Variants in HIPK1 observed in about 807,000 individuals in gnomAD.
HIPK1 encodes homeodomain-interacting protein kinase 1.
In HIPK1, 28 loss-of-function variants were observed where a neutral mutation model predicts 117.1. The observed-to-expected ratio is 0.24, with a 90% confidence interval of 0.18 to 0.33. The LOEUF (loss-of-function observed/expected upper bound fraction) is 0.33, where lower values mean the gene tolerates loss of function less well. HIPK1 is among the 10% of genes least tolerant of loss of function. The pLI is 1.00. For synonymous variants in HIPK1, 605 were observed against 562.5 expected (o/e 1.08, Z -1.07); for missense variants, 1,122 against 1,475.1 (o/e 0.76, Z 3.92).
intron 2 of HIPK1, among the ~76,000 whole-genome samples, chr1:113,943,954 G>A (rs1016376067): frequency 6.6e-6 from 1 of 151,898 alleles, no homozygotes; most frequent in Non-Finnish European, 1.5e-5. Flanking sequence ...AGCTAGGACT[G>A]CAGTCACACT....
intron 2 of HIPK1, among the ~76,000 whole-genome samples, chr1:113,950,204 T>C (rs1226694020): frequency 6.6e-6 from 1 of 152,076 alleles, no homozygotes; most frequent in East Asian, 1.9e-4. Flanking sequence ...GCTTAATCCT[T>C]GCCTTCCCTC....
At position 113,967,777 on chromosome 1, in the gene HIPK1, C is replaced by T. The variant is rs1672549896; in HGVS notation, c.2393C>T (p.Ser798Phe). 15 of 1,532,338 alleles carry T rather than the reference C, an allele frequency of 9.8e-6. No individual in the cohort carries two copies. Among genetic ancestry groups the T allele is most frequent in the Non-Finnish European group, 8.8e-6 (10 of 1,142,618 alleles). The allele number at this position is 1,532,338 out of a possible 1,614,324, so 94.9% of individuals were successfully genotyped here. A position where few individuals can be genotyped will look rare whatever the true frequency, so the allele number is the denominator to read the frequency against. Reference sequence around the variant, plus strand: ...TTCTGTTGGTACAGGAATGCCCACTCTCATGGCAACCAGTACAGCACTATC... The same window carrying T: ...TTCTGTTGGTACAGGAATGCCCACTTTCATGGCAACCAGTACAGCACTATC... The part of the protein sequence containing the change: ...QQLADWRNAH[S>F]HGNQYSTIMQ... The change falls in exon 12 of 16, where the codon TCT (serine) becomes TTT (phenylalanine). Residue 798 changes from serine to phenylalanine, a missense_variant. Physicochemically the swap from Ser to Phe is radical, Grantham distance 155. Coordinates refer to ENST00000426820, the MANE Select transcript of HIPK1 (RefSeq NM_198268.3).
At chr1:113,930,198 C>T (rs1241415503) in intron 1 of HIPK1, among the ~76,000 whole-genome samples, 2 of 152,400 alleles carry the variant, frequency 1.3e-5, no homozygotes, top group African/African-American at 2.4e-5. Flanking sequence ...CCTGCCACTT[C>T]TCGCCTGGGC....
At chr1:113,939,837 C>T (rs1670527746) in intron 1 of HIPK1, among the ~76,000 whole-genome samples, 1 of 151,628 alleles carries the variant, frequency 6.6e-6, no homozygotes, top group South Asian at 2.1e-4. Flanking sequence ...CTGGAAGTGT[C>T]TGTGGGATAT....
At chr1:113,935,617 G>A (rs569036515) in intron 1 of HIPK1, among the ~76,000 whole-genome samples, 30 of 152,068 alleles carry the variant, frequency 2.0e-4, no homozygotes, top group South Asian at 6.2e-4. Flanking sequence ...TTTCACAATG[G>A]GTGAACTAAT....
At chr1:113,964,110 C>T (rs1378707251) in intron 10 of HIPK1, among the ~76,000 whole-genome samples, 3 of 152,180 alleles carry the variant, frequency 2.0e-5, no homozygotes, top group African/African-American at 7.2e-5. Flanking sequence ...TTTTGCCACT[C>T]ATGATCAGTG....
intron 8 of HIPK1, among the ~76,000 whole-genome samples, chr1:113,962,110 A>G (rs899377491): frequency 2.0e-5 from 3 of 152,134 alleles, no homozygotes; most frequent in Non-Finnish European, 2.9e-5. Context: ...CACTATATCA[A>G]ACATCTTTCC....
intron 14 of HIPK1, 138 bp from the exon 15 acceptor site, chr1:113,971,686 T>G (rs1007296120): frequency 1.5e-6 from 1 of 684,918 alleles, no homozygotes; most frequent in African/African-American, 1.9e-5. Context: ...TGATAACAGG[T>G]TATTTTCTTC....
At chr1:113,933,752 A>G (rs566375111) in intron 1 of HIPK1, among the ~76,000 whole-genome samples, 2 of 152,244 alleles carry the variant, frequency 1.3e-5, no homozygotes, top group East Asian at 3.9e-4. Flanking sequence ...TGGTAGTCCC[A>G]GTTACTCGGG....
rs189551336 is a variant in HIPK1, at chr1:113,948,735, T to G, written c.1077-4031T>G. 9.5e-4 allele frequency among the ~76,000 whole-genome samples: 139 copies of G among 145,770 alleles called. 1 individual carries two copies. The highest frequency in any genetic ancestry group is 3.6e-3 in the Middle Eastern group (1 of 278). On this transcript the variant is annotated intron_variant, in intron 2 of 15. Transcript: ENST00000426820. ...GAAAAAACTTTCAGCTAATCTTCAG[T>G]TTTTTTTTTTAATTAAATGGGACTT...
intron 8 of HIPK1, among the ~76,000 whole-genome samples, chr1:113,960,753 A>T (rs1672048300): frequency 6.6e-6 from 1 of 152,130 alleles, no homozygotes; most frequent in South Asian, 2.1e-4. Flanking sequence ...ATTTTTATAT[A>T]AAAAAAGATA....
intron 10 of HIPK1, among the ~76,000 whole-genome samples, chr1:113,963,940 A>G (rs1401985797): frequency 6.6e-6 from 1 of 152,162 alleles, no homozygotes; most frequent in Non-Finnish European, 1.5e-5. Flanking sequence ...AGGTACCCGG[A>G]TGGCCAAAAT....
intron 1 of HIPK1, among the ~76,000 whole-genome samples, chr1:113,933,745 T>C (rs1670057901): frequency 6.6e-6 from 1 of 152,096 alleles, no homozygotes; most frequent in Non-Finnish European, 1.5e-5. Flanking sequence ...CATGTACTGG[T>C]AGTCCCAGTT....
rs189620627 is a variant in HIPK1, at chr1:113,929,479, A to G, written c.-56A>G. On this transcript the variant is annotated 5_prime_UTR_variant, in exon 1 of 16. Transcript: ENST00000426820. ...CTCGAGGCCCACCGACTCCTACTGC[A>G]ATCAGTACTATGCGATCGTCCTAGA... 16 of 1,289,300 alleles carry G rather than the reference A, an allele frequency of 1.2e-5. No individual in the cohort carries two copies. The highest frequency in any genetic ancestry group is 1.5e-5 in the African/African-American group (1 of 65,868). The allele number at this position is 1,289,300 out of a possible 1,614,324, so 79.9% of individuals were successfully genotyped here.
chr1:113,955,871 A>G (rs996298452), intron 5 of HIPK1, among the ~76,000 whole-genome samples: 5 of 152,138 alleles, frequency 3.3e-5, no homozygotes, highest in Non-Finnish European at 7.4e-5. Flanking sequence ...GTCTTGTTAC[A>G]TAGCAGTGTT....
In HIPK1 at chr1:113,936,270, A is replaced by G. The variant is rs140646728; in HGVS notation, c.-2-4112A>G. Among the ~76,000 whole-genome samples the G allele has an allele frequency of 4.7e-4, 72 of 152,336 alleles. No homozygotes were observed. The East Asian group carries it at 0.013, about 28-fold the overall frequency. On this transcript the variant is annotated intron_variant, in intron 1 of 15. Coordinates refer to ENST00000426820, the MANE Select transcript of HIPK1 (RefSeq NM_198268.3). The stretch of plus-strand genomic sequence containing the variant: ...GTTGTCCTTTCCCCTTGGGTGAACT[A>G]AATTTGTCTTTATGGATAAGAACTA...
intron 2 of HIPK1, among the ~76,000 whole-genome samples, chr1:113,942,714 G>A (rs557063233): frequency 6.6e-6 from 1 of 152,168 alleles, no homozygotes; most frequent in Admixed American, 6.5e-5. Context: ...TATTGGGACA[G>A]TATGTAAATG....
intron 2 of HIPK1, among the ~76,000 whole-genome samples, chr1:113,949,057 T>TG (rs779183367): frequency 2.6e-5 from 4 of 152,090 alleles, no homozygotes; most frequent in Non-Finnish European, 4.4e-5. Flanking sequence ...AGGCTGGACT[T>TG]GAACTCCTGA....
intron 11 of HIPK1, among the ~76,000 whole-genome samples, chr1:113,967,142 A>T (rs905806023): frequency 6.6e-6 from 1 of 152,194 alleles, no homozygotes; most frequent in Middle Eastern, 3.2e-3. Flanking sequence ...GTTGATGGAC[A>T]CTTAGGCTGC....
Sources: allele counts gnomAD v4.1 joint callset (sites outside exome capture counted in the v4.1 genomes callset), GRCh38; gene constraint gnomAD v4.1.1; transcripts MANE v1.5; gene names NCBI Gene and HGNC (gene_info 2026-07-23, HGNC 2026-07-21).